Variants in MICU1 observed in about 807,000 individuals in gnomAD.
MICU1 encodes calcium uptake protein 1, mitochondrial.
A neutral mutation model predicts 56.8 loss-of-function variants in MICU1; 45 were observed. That is an observed-to-expected ratio of 0.79 (90% CI 0.62 to 1.02). The LOEUF (loss-of-function observed/expected upper bound fraction) is 1.02. MICU1 is among the 50% of genes least tolerant of loss of function. The pLI is 0.00. For synonymous variants in MICU1, 186 were observed against 195.1 expected (o/e 0.95, Z 0.39); for missense variants, 504 against 587.1 (o/e 0.86, Z 1.46).
chr10:72,374,840 A>G (rs11000275), intron 11 of MICU1, among the ~76,000 whole-genome samples: 58,364 of 116,712 alleles, frequency 0.5, 16,462 homozygotes, highest in Middle Eastern at 0.68. Context: ...TTTTTGAGAT[A>G]GAGTCTCGCT....
At chr10:72,504,058 C>G (rs1867164653) in intron 6 of MICU1, among the ~76,000 whole-genome samples, 1 of 151,970 alleles carries the variant, frequency 6.6e-6, no homozygotes, top group African/African-American at 2.4e-5. Context: ...ACCATACTGC[C>G]CAAAGGAATC....
intron 10 of MICU1, among the ~76,000 whole-genome samples, chr10:72,387,174 G>T (rs10823918): frequency 0.52 from 78,786 of 151,962 alleles, 21,989 homozygotes; most frequent in Non-Finnish European, 0.65. Context: ...AGTAAAAAGC[G>T]GATTTAGTTA....
At chr10:72,605,317 T>G (rs909670945) in intron 1 of MICU1, among the ~76,000 whole-genome samples, 22 of 152,178 alleles carry the variant, frequency 1.4e-4, no homozygotes, top group African/African-American at 5.3e-4. Flanking sequence ...AACTCTCAAT[T>G]CCAGGAATTT....
chr10:72,589,596 A>G (rs770798404), intron 1 of MICU1, among the ~76,000 whole-genome samples: 1 of 151,032 alleles, frequency 6.6e-6, no homozygotes, highest in Non-Finnish European at 1.5e-5. Flanking sequence ...AAAAACCCTT[A>G]GAGAATGGGG....
intron 1 of MICU1, among the ~76,000 whole-genome samples, chr10:72,608,721 T>C (rs1841759040): frequency 1.3e-5 from 2 of 152,316 alleles, no homozygotes; most frequent in South Asian, 4.1e-4. Context: ...TATTTTAAGA[T>C]CGGCCTAAAT....
chr10:72,489,582 T>A (rs1298154894), intron 6 of MICU1, among the ~76,000 whole-genome samples: 1 of 152,118 alleles, frequency 6.6e-6, no homozygotes, highest in Non-Finnish European at 1.5e-5. Context: ...AAGGGTACAA[T>A]AAGGCTAGAT....
intron 9 of MICU1, among the ~76,000 whole-genome samples, chr10:72,411,067 T>C (rs1224134966): frequency 6.6e-6 from 1 of 152,202 alleles, no homozygotes; most frequent in Non-Finnish European, 1.5e-5. Context: ...AGCTACAGGA[T>C]GATGGCCCTC....
chr10:72,577,354 ACAAAATTAG>A (rs1840774516), intron 1 of MICU1, among the ~76,000 whole-genome samples: 2 of 152,078 alleles, frequency 1.3e-5, no homozygotes, highest in South Asian at 4.2e-4. Context: ...TACTAAAAAT[ACAAAATTAG>A]CCAGGCATGG....
intron 1 of MICU1, among the ~76,000 whole-genome samples, chr10:72,615,209 C>G (rs913102095): frequency 6.6e-6 from 1 of 152,178 alleles, no homozygotes; most frequent in African/African-American, 2.4e-5. Context: ...CCTCTGCCTC[C>G]TGGGCTCAAG....
At chr10:72,449,434 C>T (rs1865226830) in intron 8 of MICU1, among the ~76,000 whole-genome samples, 1 of 152,018 alleles carries the variant, frequency 6.6e-6, no homozygotes, top group South Asian at 2.1e-4. Context: ...GACAGGGTCT[C>T]ACTATGTTGC....
chr10:72,392,825 C>G (rs1028043946), intron 10 of MICU1, among the ~76,000 whole-genome samples: 2 of 152,212 alleles, frequency 1.3e-5, no homozygotes, highest in South Asian at 4.1e-4. Context: ...TAGTCCGGGT[C>G]AGGAGGAGGG....
At chr10:72,491,269 A>C (rs1866646495) in intron 6 of MICU1, among the ~76,000 whole-genome samples, 1 of 152,238 alleles carries the variant, frequency 6.6e-6, no homozygotes, top group African/African-American at 2.4e-5. Flanking sequence ...TTTCATTAGA[A>C]TCAAATACAG....
intron 1 of MICU1, among the ~76,000 whole-genome samples, chr10:72,583,388 C>A (rs1840959377): frequency 6.6e-6 from 1 of 151,276 alleles, no homozygotes; most frequent in Admixed American, 6.6e-5. Flanking sequence ...TCAAGCGATT[C>A]TCCTGCCTCA....
intron 11 of MICU1, among the ~76,000 whole-genome samples, chr10:72,371,407 C>A (rs1024066420): frequency 6.9e-6 from 1 of 143,924 alleles, no homozygotes; most frequent in African/African-American, 2.6e-5. Flanking sequence ...AAAAAAAAAG[C>A]CTTGCTTGGC....
At chr10:72,401,744 A>T (rs1239312601) in intron 10 of MICU1, among the ~76,000 whole-genome samples, 2 of 152,248 alleles carry the variant, frequency 1.3e-5, no homozygotes, top group Non-Finnish European at 2.9e-5. Flanking sequence ...TTAAGATCTC[A>T]GCAAATTTCA....
At chr10:72,485,608 G>A (rs995602729) in intron 6 of MICU1, among the ~76,000 whole-genome samples, 1 of 151,182 alleles carries the variant, frequency 6.6e-6, no homozygotes, top group Middle Eastern at 3.5e-3. Context: ...CATAGAGCTG[G>A]AATTCAAATC....
At chr10:72,466,353 C>T (rs1865794216) in intron 8 of MICU1, among the ~76,000 whole-genome samples, 1 of 152,126 alleles carries the variant, frequency 6.6e-6, no homozygotes, top group Non-Finnish European at 1.5e-5. Flanking sequence ...TGGAATTTTC[C>T]ATTTGATATT....
intron 5 of MICU1, among the ~76,000 whole-genome samples, chr10:72,523,207 T>C (rs1265772252): frequency 6.6e-6 from 1 of 151,850 alleles, no homozygotes; most frequent in Non-Finnish European, 1.5e-5. Context: ...AGAGGAAGAG[T>C]TTTTAGCTAC....
chr10:72,410,562 T>C (rs1264893724), intron 9 of MICU1, among the ~76,000 whole-genome samples: 2 of 152,112 alleles, frequency 1.3e-5, no homozygotes, highest in African/African-American at 4.8e-5. Context: ...GAGGTTGCAG[T>C]GAGCTGAGAT....
Sources: allele counts gnomAD v4.1 joint callset (sites outside exome capture counted in the v4.1 genomes callset), GRCh38; gene constraint gnomAD v4.1.1; transcripts MANE v1.5; gene names NCBI Gene and HGNC (gene_info 2026-07-23, HGNC 2026-07-21).